The following USPL1 variants were observed in gnomAD, a reference collection of about 807,000 sequenced individuals.
USPL1 encodes the protein SUMO-specific isopeptidase USPL1.
A neutral mutation model predicts 51.5 loss-of-function variants in USPL1; 27 were observed. The observed-to-expected ratio is 0.52, with a 90% CI of 0.39 to 0.72. The LOEUF is 0.72. USPL1 is among the 30% of genes least tolerant of loss of function. The pLI, the probability that USPL1 is intolerant of heterozygous loss-of-function variation, is 0.00. For synonymous variants in USPL1, 451 were observed against 459.6 expected, an observed-to-expected ratio of 0.98 and a Z score of 0.24; for missense variants, 1,226 against 1,268.0, an observed-to-expected ratio of 0.97 and a Z score of 0.50.
intron 5 of USPL1, 79 bp from the exon 6 acceptor site, chr13:30,642,549 A>C: frequency 6.5e-7 from 1 of 1,532,816 alleles, no homozygotes; most frequent in East Asian, 2.3e-5. Flanking sequence ...TATAGTAAGA[A>C]AAGACAATAG....
chr13:30,642,126 T>C (rs895218732), intron 5 of USPL1, among the ~76,000 whole-genome samples: 1 of 152,112 alleles, frequency 6.6e-6, no homozygotes, highest in Non-Finnish European at 1.5e-5. Flanking sequence ...TTGGCCAGGA[T>C]GGTCTCAAAC....
At chr13:30,629,504 G>C (rs1407644797) in intron 3 of USPL1, among the ~76,000 whole-genome samples, 1 of 152,078 alleles carries the variant, frequency 6.6e-6, no homozygotes, top group East Asian at 1.9e-4. Flanking sequence ...AATTTTAATG[G>C]CTCCATTTAT....
chr13:30,647,089 C>G, intron 7 of USPL1, 32 bp downstream of exon 7: 1 of 1,578,414 alleles, frequency 6.3e-7, no homozygotes, highest in Admixed American at 1.7e-5. Flanking sequence ...ATTTTTAGTA[C>G]AAAATGAAGG....
At chr13:30,622,560 G>T (rs1473814432) in intron 3 of USPL1, among the ~76,000 whole-genome samples, 1 of 152,130 alleles carries the variant, frequency 6.6e-6, no homozygotes. Flanking sequence ...GAGGGTTTGG[G>T]AACATAAGAT....
rs117540752 is a variant in USPL1 at position 30,624,510 on chromosome 13, C to T, written c.228+2618C>T. ...GTGTGAGTCTGTAGCCCCAGCTACC[C>T]GGGAGGGGGACTACGGGTGCACGGC... On this transcript the variant is annotated intron_variant, in intron 3 of 8. Transcript: ENST00000255304. Among the ~76,000 whole-genome samples, 947 of 152,162 alleles carry T rather than the reference C, an allele frequency of 6.2e-3. 43 individuals carry two copies. In the East Asian group the frequency reaches 0.12, roughly 19 times the overall value.
intron 4 of USPL1, among the ~76,000 whole-genome samples, chr13:30,637,149 T>C (rs1950887388): frequency 6.6e-6 from 1 of 152,002 alleles, no homozygotes; most frequent in African/African-American, 2.4e-5. Context: ...GGTTTCACTA[T>C]GTTGCCCAGG....
chr13:30,651,348 G>A (rs1313669424), intron 7 of USPL1, among the ~76,000 whole-genome samples: 25 of 152,192 alleles, frequency 1.6e-4, no homozygotes, highest in Admixed American at 1.6e-3. Context: ...GAATGTACTT[G>A]TACTCAGCTA....
intron 1 of USPL1, among the ~76,000 whole-genome samples, chr13:30,618,814 G>A (rs932205770): frequency 1.8e-4 from 27 of 152,150 alleles, no homozygotes; most frequent in African/African-American, 6.3e-4. Flanking sequence ...AGTACAATGA[G>A]CTTTAGGTCA....
chr13:30,651,602 G>T (rs1016141472), intron 7 of USPL1, among the ~76,000 whole-genome samples: 1 of 152,204 alleles, frequency 6.6e-6, no homozygotes, highest in African/African-American at 2.4e-5. Flanking sequence ...TCAAGAGATT[G>T]TTTTAGTAAC....
intron 1 of USPL1, among the ~76,000 whole-genome samples, chr13:30,620,857 G>A (rs538814587): frequency 2.2e-4 from 33 of 152,174 alleles, no homozygotes; most frequent in African/African-American, 7.5e-4. Flanking sequence ...TATGAAAACC[G>A]GTCCTGTTGC....
intron 3 of USPL1, among the ~76,000 whole-genome samples, chr13:30,625,026 T>G (rs146211922): frequency 1.3e-5 from 2 of 152,338 alleles, no homozygotes; most frequent in African/African-American, 4.8e-5. Flanking sequence ...AAATGTCACT[T>G]TCTTTTTAGA....
chr13:30,625,794 T>C (rs1158877261), intron 3 of USPL1, among the ~76,000 whole-genome samples: 1 of 152,158 alleles, frequency 6.6e-6, no homozygotes, highest in African/African-American at 2.4e-5. Flanking sequence ...GCAAAAAATA[T>C]ATAATCAAGA....
rs749424075 is a variant in USPL1, at chr13:30,637,780, C to G, written c.905C>G (p.Ala302Gly). 1 of 1,612,440 alleles carries G rather than the reference C, an allele frequency of 6.2e-7. No individual in the cohort carries two copies. The highest frequency in any genetic ancestry group is 1.7e-5 in the Admixed American group (1 of 59,564). ...DCKKLTSEIF[A>G]EIETCLNEVR... is the part of the protein sequence containing the mutation. ...AAAAAACTTACCTCAGAAATATTTG[C>G]AGAGATAGAGACCTGTCTGAATGAA... Residue 302 changes from alanine (A) to glycine (G), a missense_variant, in exon 5 of 9, where the codon GCA becomes GGA. Physicochemically the swap from Ala to Gly is moderately conservative, Grantham distance 60. Coordinates refer to ENST00000255304, the MANE Select transcript of USPL1 (RefSeq NM_005800.5).
At position 30,636,926 on chromosome 13, in the gene USPL1, A is replaced by G. The variant is rs371716629; in HGVS notation, c.869-818A>G. On this transcript the variant is annotated intron_variant, in intron 4 of 8. Coordinates refer to ENST00000255304, the MANE Select transcript of USPL1 (RefSeq NM_005800.5). ...TTCAGTCACTGTATAATAACTAGCC[A>G]GATTTTTTGTTGTTGTTGTTTTGTT... is the stretch of plus-strand genomic sequence containing the variant. 3.3e-5 allele frequency among the ~76,000 whole-genome samples: 5 copies of G among 152,290 alleles called. No homozygotes were observed. The East Asian group carries it at 7.7e-4, about 23-fold the overall frequency.
chr13:30,659,087 C>G lies in USPL1; in HGVS notation c.3010C>G (p.Pro1004Ala). ...TTTGGGAATGGGAGATAGTCATATC[C>G]CACCACCAGTACCAAGTGAATTCAA... ...RYLGMGDSHI[P>A]PPVPSEFNDV... is the part of the protein sequence containing the mutation. Residue 1004 changes from proline to alanine, a missense_variant, in exon 9 of 9, where the codon CCA (proline) becomes GCA (alanine). Transcript: ENST00000255304. The G allele has an allele frequency of 6.2e-7, 1 of 1,614,010 alleles. No homozygotes were observed. The highest frequency in any genetic ancestry group is 8.5e-7 in the Non-Finnish European group (1 of 1,180,022).
chr13:30,657,376 C>T (rs7983138), intron 8 of USPL1, 98 bp from the exon 9 acceptor site: 506,279 of 1,208,444 alleles, frequency 0.42, 113,415 homozygotes, highest in African/African-American at 0.78. Context: ...CTCCTTTGGT[C>T]GGTATTCAAT....
chr13:30,628,850 TGG>T (rs1950759582), intron 3 of USPL1, among the ~76,000 whole-genome samples: 1 of 152,220 alleles, frequency 6.6e-6, no homozygotes, highest in South Asian at 2.1e-4. Context: ...GCAGTGAATG[TGG>T]GTGTGCAGGT....
At chr13:30,653,066 C>A in intron 7 of USPL1, 82 bp from the exon 8 acceptor site, 1 of 1,361,644 alleles carries the variant, frequency 7.3e-7, no homozygotes, top group Non-Finnish European at 9.9e-7. Flanking sequence ...TTATGTGTGA[C>A]TAGTTCACTT....
intron 6 of USPL1, among the ~76,000 whole-genome samples, chr13:30,646,126 T>G (rs1951014717): frequency 6.6e-6 from 1 of 152,250 alleles, no homozygotes; most frequent in Non-Finnish European, 1.5e-5. Flanking sequence ...TCACAAGATT[T>G]ATAAGTATTT....
Sources: gnomAD v4.1 joint callset for allele counts (sites outside exome capture counted in the v4.1 genomes callset) on GRCh38, gnomAD v4.1.1 for gene constraint, MANE v1.5 for transcripts, NCBI Gene and HGNC (gene_info 2026-07-23, HGNC 2026-07-21) for gene names.